The following BTBD9 variants were observed in gnomAD, a reference collection of about 807,000 sequenced individuals.
BTBD9 encodes BTB/POZ domain-containing protein 9.
A neutral mutation model predicts 64.3 loss-of-function variants in BTBD9; 49 were observed. The observed-to-expected ratio is 0.76, with a 90% CI of 0.61 to 0.97. BTBD9 has a LOEUF of 0.97. BTBD9 is among the 50% of genes least tolerant of loss of function. The probability of loss-of-function intolerance (pLI) is 0.00; values close to 1 mark genes in which losing one functional copy is unlikely to be tolerated. For synonymous variants in BTBD9, 260 were observed against 274.7 expected (o/e 0.95, Z 0.53); for missense variants, 598 against 762.1 (o/e 0.78, Z 2.53).
chr6:38,487,820 T>C (rs1265656830), intron 6 of BTBD9, among the ~76,000 whole-genome samples: 3 of 152,166 alleles, frequency 2.0e-5, no homozygotes, highest in Non-Finnish European at 4.4e-5. Context: ...GAGCCAAAAA[T>C]AAATTTTATA....
At chr6:38,594,812 G>C (rs145540093) in intron 2 of BTBD9, among the ~76,000 whole-genome samples, 1 of 152,180 alleles carries the variant, frequency 6.6e-6, no homozygotes, top group African/African-American at 2.4e-5. Flanking sequence ...ATGCTGCTTT[G>C]AGAGTATAAA....
At chr6:38,587,469 A>G in intron 4 of BTBD9, 1 of 547,288 alleles carries the variant, frequency 1.8e-6, no homozygotes, top group South Asian at 1.6e-5. Context: ...TCAGGGGAAA[A>G]CTTCTGCGTA....
chr6:38,372,074 T>G (rs553004888), intron 6 of BTBD9, among the ~76,000 whole-genome samples: 2 of 152,226 alleles, frequency 1.3e-5, no homozygotes, highest in South Asian at 4.1e-4. Context: ...TCCTCCCAGG[T>G]CCCATGGGAA....
At chr6:38,320,891 C>T (rs1763207869) in intron 7 of BTBD9, among the ~76,000 whole-genome samples, 1 of 152,116 alleles carries the variant, frequency 6.6e-6, no homozygotes, top group Non-Finnish European at 1.5e-5. Flanking sequence ...AAAGGAAGAA[C>T]CAATAACAAT....
At chr6:38,286,043 G>A (rs139632137) in intron 8 of BTBD9, among the ~76,000 whole-genome samples, 3 of 152,248 alleles carry the variant, frequency 2.0e-5, no homozygotes, top group African/African-American at 4.8e-5. Context: ...TTTGCTATTC[G>A]ACAGAAGTTT....
intron 9 of BTBD9, among the ~76,000 whole-genome samples, chr6:38,232,329 G>T (rs990335122): frequency 1.3e-5 from 2 of 151,506 alleles, no homozygotes; most frequent in African/African-American, 4.9e-5. Flanking sequence ...GGAGTGCAGT[G>T]GCACAATCTC....
intron 9 of BTBD9, among the ~76,000 whole-genome samples, chr6:38,196,402 T>C (rs80038139): frequency 0.089 from 13,606 of 152,294 alleles, 821 homozygotes; most frequent in Non-Finnish European, 0.12. Flanking sequence ...GATAGTGTTA[T>C]TACCACTATA....
At chr6:38,462,140 G>C (rs1254086100) in intron 6 of BTBD9, among the ~76,000 whole-genome samples, 1 of 152,118 alleles carries the variant, frequency 6.6e-6, no homozygotes, top group Non-Finnish European at 1.5e-5. Flanking sequence ...TGTCTTTAGA[G>C]GAGCAAAAGG....
At chr6:38,357,515 G>A (rs1764772674) in intron 6 of BTBD9, among the ~76,000 whole-genome samples, 1 of 152,150 alleles carries the variant, frequency 6.6e-6, no homozygotes. Flanking sequence ...ATCATAACCT[G>A]AAACCTTAAC....
At position 38,184,475 on chromosome 6, in the gene BTBD9, G is replaced by A. The variant is rs1349124279; in HGVS notation, c.1641+8044C>T. 6.6e-6 allele frequency among the ~76,000 whole-genome samples: 1 copy of A among 152,146 alleles called. No individual in the cohort carries two copies. Among genetic ancestry groups the A allele is most frequent in the East Asian group, 1.9e-4 (1 of 5,178 alleles). On this transcript the variant is annotated intron_variant, in intron 10 of 10. Coordinates refer to ENST00000481247, the MANE Select transcript of BTBD9 (RefSeq NM_001099272.2). This position sits in a 1 kb window ranked among gnomAD's most constrained non-coding sequence, Gnocchi z 4.4. ...GCCAGGTTCCCTCCCACACAGAAGT[G>A]GAGTCTGAAGGCTGGAACTGGTGCT... is the stretch of plus-strand genomic sequence containing the variant.
chr6:38,562,078 T>G (rs559718960), intron 6 of BTBD9, among the ~76,000 whole-genome samples: 124 of 152,342 alleles, frequency 8.1e-4, no homozygotes, highest in African/African-American at 2.8e-3. Flanking sequence ...AGCCAAAATC[T>G]GCAAAGATCA....
At chr6:38,534,310 T>C (rs1482405124) in intron 6 of BTBD9, among the ~76,000 whole-genome samples, 2 of 151,876 alleles carry the variant, frequency 1.3e-5, no homozygotes, top group African/African-American at 2.4e-5. Context: ...CCTACCAAGA[T>C]TGAACCATGA....
chr6:38,230,633 G>C (rs1190882463), intron 9 of BTBD9, among the ~76,000 whole-genome samples: 1 of 151,390 alleles, frequency 6.6e-6, no homozygotes, highest in Non-Finnish European at 1.5e-5. Flanking sequence ...TATGATCGGA[G>C]ATCTACTGGC....
At chr6:38,287,490 T>C (rs958271021) in intron 8 of BTBD9, among the ~76,000 whole-genome samples, 1 of 152,170 alleles carries the variant, frequency 6.6e-6, no homozygotes, top group African/African-American at 2.4e-5. Context: ...ACGTTTTCTA[T>C]GTTTAGACAT....
At chr6:38,261,792 C>CA (rs936316684) in intron 8 of BTBD9, among the ~76,000 whole-genome samples, 62 of 152,270 alleles carry the variant, frequency 4.1e-4, no homozygotes, top group African/African-American at 1.3e-3. Context: ...TAAGAGTCCC[C>CA]AGGGACTGGA....
At chr6:38,490,425 A>G (rs541226156) in intron 6 of BTBD9, among the ~76,000 whole-genome samples, 29 of 152,082 alleles carry the variant, frequency 1.9e-4, no homozygotes, top group Admixed American at 1.7e-3. Context: ...GGTTCAAGAG[A>G]TTCTCCTGCC....
intron 6 of BTBD9, among the ~76,000 whole-genome samples, chr6:38,421,052 T>C (rs1236827454): frequency 9.1e-6 from 1 of 110,350 alleles, no homozygotes; most frequent in Non-Finnish European, 2.0e-5. Context: ...TCTTAAAGGG[T>C]ATTTAATAAT....
chr6:38,188,947 G>A (rs896220723), intron 10 of BTBD9, among the ~76,000 whole-genome samples: 1 of 152,120 alleles, frequency 6.6e-6, no homozygotes, highest in Non-Finnish European at 1.5e-5. Flanking sequence ...CCTGACCTCA[G>A]ACTCCCAGCC....
At chr6:38,530,482 A>G (rs1015591221) in intron 6 of BTBD9, among the ~76,000 whole-genome samples, 3 of 152,034 alleles carry the variant, frequency 2.0e-5, no homozygotes, top group African/African-American at 7.2e-5. Flanking sequence ...GGTCCTACTG[A>G]TATGTGCTGT....
Sources: allele counts gnomAD v4.1 joint callset (sites outside exome capture counted in the v4.1 genomes callset), GRCh38; gene constraint gnomAD v4.1.1; non-coding constraint Gnocchi (gnomAD v3.1); transcripts MANE v1.5; gene names NCBI Gene and HGNC (gene_info 2026-07-23, HGNC 2026-07-21).